The following VAV3 variants were observed in gnomAD, a reference collection of about 807,000 sequenced individuals.
The protein encoded by VAV3 is guanine nucleotide exchange factor VAV3.
In VAV3, 94 loss-of-function variants were observed where a neutral mutation model predicts 131.2. The ratio of observed to expected loss-of-function variants is 0.72; its 90% CI spans 0.61 to 0.85. VAV3 has a LOEUF of 0.85. Ranked by LOEUF, VAV3 falls within the 40% of genes least tolerant of loss-of-function variation. The probability of loss-of-function intolerance (pLI) is 0.00; values close to 1 mark genes in which losing one functional copy is unlikely to be tolerated. For missense variants in VAV3, 939 were observed against 1,002.7 expected (o/e 0.94, Z 0.86); for synonymous variants, 349 against 342.0 (o/e 1.02, Z -0.22).
At chr1:107,824,605 T>G (rs1667936071) in intron 2 of VAV3, among the ~76,000 whole-genome samples, 1 of 152,152 alleles carries the variant, frequency 6.6e-6, no homozygotes, top group South Asian at 2.1e-4. Flanking sequence ...ATATACACTA[T>G]CTATATCTGT....
intron 25 of VAV3, among the ~76,000 whole-genome samples, chr1:107,585,592 C>T (rs1270848557): frequency 1.3e-5 from 2 of 152,128 alleles, no homozygotes; most frequent in East Asian, 1.9e-4. Context: ...AGACATACCC[C>T]TCCCTTAGCA....
At position 107,839,823 on chromosome 1, in the gene VAV3, T is replaced by C. The variant is rs550287752; in HGVS notation, c.321+35078A>G. On this transcript the variant is annotated intron_variant, in intron 2 of 26. Coordinates refer to ENST00000370056, the MANE Select transcript of VAV3 (RefSeq NM_006113.5). ...AGAAAGATGACACAAATTGCTAATA[T>C]CAGAAATAAAGGAGAGATCATTACT... Among the ~76,000 whole-genome samples, 3 of 152,024 alleles carry C rather than the reference T, an allele frequency of 2.0e-5. No individual in the cohort carries two copies. In the South Asian group the frequency reaches 6.2e-4, roughly 32 times the overall value.
intron 15 of VAV3, among the ~76,000 whole-genome samples, chr1:107,747,871 T>TA (rs1196931823): frequency 6.6e-6 from 1 of 152,204 alleles, no homozygotes; most frequent in Admixed American, 6.5e-5. Flanking sequence ...TTTATTTTCC[T>TA]AATTTCAGAA....
Position 107,907,673 on chromosome 1 carries a change from T to A in VAV3, c.205-32656A>T, listed in dbSNP as rs115289504. Among the ~76,000 whole-genome samples, 1,037 of 151,558 alleles carry A rather than the reference T, an allele frequency of 6.8e-3. 12 individuals carry two copies. Among genetic ancestry groups the A allele is most frequent in the African/African-American group, 0.023 (946 of 41,110 alleles). On this transcript the variant is annotated intron_variant, in intron 1 of 26. Transcript: ENST00000370056. ...CGTGTGCGTGCGTTCTCTCTCTCTCTCACACACACACGCGCTCTCTCTCTC... is the reference window on the plus strand; with the variant it reads ...CGTGTGCGTGCGTTCTCTCTCTCTCACACACACACACGCGCTCTCTCTCTC...
intron 19 of VAV3, among the ~76,000 whole-genome samples, chr1:107,652,815 A>C (rs1656274304): frequency 6.6e-6 from 1 of 152,100 alleles, no homozygotes; most frequent in African/African-American, 2.4e-5. Flanking sequence ...CAATATGCTA[A>C]GTGTAACTGA....
chr1:107,829,236 C>T (rs1302572262), intron 2 of VAV3, among the ~76,000 whole-genome samples: 1 of 152,154 alleles, frequency 6.6e-6, no homozygotes, highest in African/African-American at 2.4e-5. Context: ...CTGCTTACTA[C>T]AGCACTATTG....
At chr1:107,899,008 C>T (rs1279208531) in intron 1 of VAV3, among the ~76,000 whole-genome samples, 1 of 152,186 alleles carries the variant, frequency 6.6e-6, no homozygotes, top group Admixed American at 6.5e-5. Flanking sequence ...TCTCCAAAAG[C>T]TTACTATACA....
intron 15 of VAV3, among the ~76,000 whole-genome samples, chr1:107,708,641 C>T (rs532268248): frequency 6.6e-6 from 1 of 152,228 alleles, no homozygotes; most frequent in South Asian, 2.1e-4. Context: ...TCTTTGTTCT[C>T]CAGATATGCA....
At chr1:107,602,359 T>C (rs2101103094) in intron 24 of VAV3, 38 bp downstream of exon 24, 2 of 1,408,798 alleles carry the variant, frequency 1.4e-6, no homozygotes, top group Non-Finnish European at 1.9e-6. Flanking sequence ...AAAAGAAAAA[T>C]AAGGATCCCA....
rs980635127 is a variant in VAV3, at chr1:107,747,476, C to T, written c.1502+1492G>A. ...CAAATTGTTTAACTCCAAGTGACTTCCTAAAAAGAAAAAATAGTATACTAG... is the reference window on the plus strand; with the variant it reads ...CAAATTGTTTAACTCCAAGTGACTTTCTAAAAAGAAAAAATAGTATACTAG... On this transcript the variant is annotated intron_variant, in intron 15 of 26. Transcript: ENST00000370056. 2.6e-5 allele frequency among the ~76,000 whole-genome samples: 4 copies of T among 152,024 alleles called. No homozygotes were observed. The South Asian group carries it at 6.2e-4, about 24-fold the overall frequency.
At chr1:107,689,273 T>C (rs12038018) in intron 17 of VAV3, among the ~76,000 whole-genome samples, 31,696 of 151,994 alleles carry the variant, frequency 0.21, 3,447 homozygotes, top group Middle Eastern at 0.26. Flanking sequence ...CCATCCAAAA[T>C]GATCCTCTAA....
intron 20 of VAV3, among the ~76,000 whole-genome samples, chr1:107,628,596 T>C (rs1337406321): frequency 6.6e-6 from 1 of 152,238 alleles, no homozygotes; most frequent in Non-Finnish European, 1.5e-5. Context: ...CTCTTCCTGT[T>C]ACACAAAAAG....
At chr1:107,651,679 C>T (rs967597494) in intron 19 of VAV3, among the ~76,000 whole-genome samples, 7 of 152,040 alleles carry the variant, frequency 4.6e-5, no homozygotes, top group African/African-American at 1.7e-4. Flanking sequence ...TTGCCACCTT[C>T]ATTTCTACCT....
intron 20 of VAV3, among the ~76,000 whole-genome samples, chr1:107,630,106 G>A (rs778582634): frequency 2.1e-4 from 32 of 152,060 alleles, no homozygotes; most frequent in Admixed American, 6.6e-5. Flanking sequence ...TAGGTTTAAC[G>A]CTAGATATAT....
At chr1:107,814,111 C>T (rs1667458654) in intron 2 of VAV3, among the ~76,000 whole-genome samples, 1 of 151,970 alleles carries the variant, frequency 6.6e-6, no homozygotes, top group Non-Finnish European at 1.5e-5. Flanking sequence ...CTGCAATACA[C>T]ATGGGGGTGC....
chr1:107,935,760 C>T (rs1557933946), intron 1 of VAV3, among the ~76,000 whole-genome samples: 1 of 152,142 alleles, frequency 6.6e-6, no homozygotes, highest in African/African-American at 2.4e-5. Context: ...ACAGGCCAAC[C>T]AAGGCCATTA....
intron 2 of VAV3, among the ~76,000 whole-genome samples, chr1:107,795,212 G>A (rs1052380369): frequency 7.9e-5 from 12 of 152,156 alleles, no homozygotes; most frequent in African/African-American, 2.9e-4. Flanking sequence ...CTCCAGGAAT[G>A]GAACAGAAAT....
chr1:107,747,638 GGC>G (rs1663435045), intron 15 of VAV3, among the ~76,000 whole-genome samples: 3 of 152,020 alleles, frequency 2.0e-5, no homozygotes, highest in African/African-American at 7.2e-5. Flanking sequence ...TGTACTATTT[GGC>G]TAGCTCTCTG....
chr1:107,956,788 G>A lies in VAV3; in HGVS notation c.204+7878C>T, dbSNP rs565586268. On this transcript the variant is annotated intron_variant, in intron 1 of 26. Coordinates refer to ENST00000370056, the MANE Select transcript of VAV3 (RefSeq NM_006113.5). Reference sequence around the variant, plus strand: ...AAAGTGAGAGCAGTCAGCACGGTGCGGGTTTTCCTCCATTACATTCAGCAG... The same window carrying A: ...AAAGTGAGAGCAGTCAGCACGGTGCAGGTTTTCCTCCATTACATTCAGCAG... 1.4e-4 allele frequency among the ~76,000 whole-genome samples: 22 copies of A among 152,148 alleles called. No individual in the cohort carries two copies. In the South Asian group the frequency reaches 1.9e-3, roughly 13 times the overall value.
Sources: allele counts gnomAD v4.1 joint callset (sites outside exome capture counted in the v4.1 genomes callset), GRCh38; gene constraint gnomAD v4.1.1; transcripts MANE v1.5; gene names NCBI Gene and HGNC (gene_info 2026-07-23, HGNC 2026-07-21).